The following TLN2 variants were observed in gnomAD, a reference collection of about 807,000 sequenced individuals.
The protein encoded by TLN2 is talin-2.
TLN2 carries 118 observed loss-of-function variants against 294.7 expected under a neutral mutation model. The observed-to-expected ratio is 0.40, with a 90% CI of 0.34 to 0.47. The LOEUF (loss-of-function observed/expected upper bound fraction) is 0.47. TLN2 is among the 20% of genes least tolerant of loss of function. TLN2 has a pLI of 0.84. For synonymous variants in TLN2, 1,431 were observed against 1,304.5 expected, an observed-to-expected ratio of 1.10 and a Z score of -2.09; for missense variants, 3,083 against 3,282.2, an observed-to-expected ratio of 0.94 and a Z score of 1.48.
At chr15:62,733,255 G>A (rs1196319326) in intron 28 of TLN2, among the ~76,000 whole-genome samples, 1 of 152,172 alleles carries the variant, frequency 6.6e-6, no homozygotes, top group Admixed American at 6.5e-5. Flanking sequence ...CATGTCAAAT[G>A]GGAGACTTAA....
intron 50 of TLN2, among the ~76,000 whole-genome samples, chr15:62,805,039 T>A (rs1348275573): frequency 6.6e-6 from 1 of 152,134 alleles, no homozygotes; most frequent in Non-Finnish European, 1.5e-5. Context: ...ATTCACAGTG[T>A]CACCATGGCG....
intron 23 of TLN2, 42 bp downstream of exon 23, chr15:62,716,501 T>G (rs952310930): frequency 1.9e-6 from 3 of 1,559,732 alleles, no homozygotes; most frequent in Non-Finnish European, 2.6e-6. Flanking sequence ...CATCTTAAAT[T>G]GCAAAGAGTT....
At chr15:62,594,801 G>A (rs907696191) in intron 2 of TLN2, among the ~76,000 whole-genome samples, 2 of 152,170 alleles carry the variant, frequency 1.3e-5, no homozygotes, top group Admixed American at 6.5e-5. Context: ...AACAGAAATA[G>A]ACAAATGGGA....
chr15:62,517,007 G>T (rs1388773185), intron 1 of TLN2, among the ~76,000 whole-genome samples: 1 of 152,178 alleles, frequency 6.6e-6, no homozygotes, highest in Non-Finnish European at 1.5e-5. Flanking sequence ...AGATATTGCT[G>T]CTCCGTCACC....
At chr15:62,569,664 G>A (rs550373428) in intron 1 of TLN2, among the ~76,000 whole-genome samples, 25 of 152,350 alleles carry the variant, frequency 1.6e-4, no homozygotes, top group African/African-American at 6.0e-4. Context: ...AATTGTAGCT[G>A]TGGTTGGATT....
Position 62,796,266 on chromosome 15 carries a change from A to G in TLN2, c.6023A>G (p.Glu2008Gly), listed in dbSNP as rs749065850. Residue 2008 changes from glutamate to glycine, a missense_variant, in exon 47 of 59, where the codon GAG becomes GGG. Glu to Gly is a moderately conservative substitution (Grantham distance 98, BLOSUM62 -2). Transcript: ENST00000636159. ...GCAACAGCGGGGACGCTGAATGCAG[A>G]GAACAGTGAGACCTTCGCAGACCAC... ...MFATAGTLNA[E>G]NSETFADHRE... 6.2e-7 allele frequency: 1 copy of G among 1,614,064 alleles called. No individual in the cohort carries two copies. Among genetic ancestry groups the G allele is most frequent in the Non-Finnish European group, 8.5e-7 (1 of 1,180,024 alleles).
intron 1 of TLN2, among the ~76,000 whole-genome samples, chr15:62,403,901 C>T (rs139166650): frequency 1.4e-4 from 22 of 152,342 alleles, no homozygotes; most frequent in African/African-American, 5.3e-4. Context: ...ACAGGACTCA[C>T]TTATTGTCTA....
chr15:62,510,079 T>C (rs1416962034), intron 1 of TLN2, among the ~76,000 whole-genome samples: 1 of 152,228 alleles, frequency 6.6e-6, no homozygotes, highest in Non-Finnish European at 1.5e-5. Context: ...ATTCTCTTCA[T>C]TCTTTGTGGG....
At position 62,739,898 on chromosome 15, in the gene TLN2, T is replaced by C. The variant is rs983964209; in HGVS notation, c.3885+353T>C. On this transcript the variant is annotated intron_variant, in intron 31 of 58. Coordinates refer to ENST00000636159, the MANE Select transcript of TLN2 (RefSeq NM_015059.3). ...AATACAATAAAAATATATATGTATT[T>C]GAGGTTTAATGGACCATTCAGATGG... Among the ~76,000 whole-genome samples, 6 of 152,168 alleles carry C rather than the reference T, an allele frequency of 3.9e-5. No individual in the cohort carries two copies. The South Asian group carries it at 6.2e-4, about 16-fold the overall frequency.
intron 3 of TLN2, among the ~76,000 whole-genome samples, chr15:62,629,788 C>A (rs2049612198): frequency 6.6e-6 from 1 of 151,962 alleles, no homozygotes; most frequent in African/African-American, 2.4e-5. Context: ...TTTTTGGGAC[C>A]CAACAAAAGG....
Position 62,738,485 on chromosome 15 carries a change from C to T in TLN2, c.3687+152C>T. On this transcript the variant is annotated intron_variant, in intron 30 of 58. Transcript: ENST00000636159. ...GCCAGTCTTTGTTTTCCATGTTTTG[C>T]TGTCTGATCAACAAAGTTCCCAGGT... 4 of 1,197,208 alleles carry T rather than the reference C, an allele frequency of 3.3e-6. No homozygotes were observed. The South Asian group carries it at 8.6e-5, about 26-fold the overall frequency. 74.2% of individuals were successfully genotyped at this position (1,197,208 alleles called of 1,614,324 possible).
At chr15:62,724,073 A>G (rs1337009271) in intron 26 of TLN2, among the ~76,000 whole-genome samples, 1 of 152,118 alleles carries the variant, frequency 6.6e-6, no homozygotes, top group Non-Finnish European at 1.5e-5. Context: ...ACTTGAACCC[A>G]GGAGACAAAG....
chr15:62,542,697 C>T (rs983789583), intron 1 of TLN2, among the ~76,000 whole-genome samples: 5 of 152,008 alleles, frequency 3.3e-5, no homozygotes, highest in East Asian at 3.9e-4. Flanking sequence ...TCCAGGGATT[C>T]GTGTTGGTAT....
chr15:62,550,944 G>A (rs1217767189), intron 1 of TLN2, among the ~76,000 whole-genome samples: 3 of 152,078 alleles, frequency 2.0e-5, no homozygotes. Flanking sequence ...AATATATAAT[G>A]AAATAATTAT....
intron 1 of TLN2, among the ~76,000 whole-genome samples, chr15:62,403,960 G>T (rs559094388): frequency 1.3e-5 from 2 of 152,096 alleles, no homozygotes; most frequent in African/African-American, 2.4e-5. Flanking sequence ...CATCTCTGCC[G>T]CTGTATCCCC....
chr15:62,626,498 A>T (rs2049294805), intron 3 of TLN2, among the ~76,000 whole-genome samples: 3 of 152,188 alleles, frequency 2.0e-5, no homozygotes, highest in Non-Finnish European at 4.4e-5. Context: ...ACCGCCCTTC[A>T]TTATTTTCTT....
chr15:62,505,387 A>G (rs2039561217), intron 1 of TLN2, among the ~76,000 whole-genome samples: 1 of 152,222 alleles, frequency 6.6e-6, no homozygotes, highest in Admixed American at 6.5e-5. Flanking sequence ...GTTGTCTTAA[A>G]TCTGGCTTAC....
chr15:62,749,326 T>A (rs764811856), intron 33 of TLN2, among the ~76,000 whole-genome samples: 14 of 152,250 alleles, frequency 9.2e-5, no homozygotes, highest in Non-Finnish European at 1.6e-4. Context: ...TGAGAATGTT[T>A]CTTACATTGG....
At chr15:62,530,247 A>G (rs1462028051) in intron 1 of TLN2, among the ~76,000 whole-genome samples, 2 of 152,212 alleles carry the variant, frequency 1.3e-5, no homozygotes, top group Admixed American at 1.3e-4. Context: ...AACATTTTGC[A>G]TATTTGTGAA....
Sources: gnomAD v4.1 joint callset for allele counts (sites outside exome capture counted in the v4.1 genomes callset) on GRCh38, gnomAD v4.1.1 for gene constraint, MANE v1.5 for transcripts, NCBI Gene and HGNC (gene_info 2026-07-23, HGNC 2026-07-21) for gene names.